ENOX1: variants seen among roughly 807,000 people sequenced by gnomAD.
ENOX1 encodes candidate growth-related and time keeping constitutive hydroquinone (NADH) oxidase.
Under a neutral mutation model 82.5 loss-of-function variants are expected in ENOX1, and 42 were observed. That is an observed-to-expected ratio of 0.51 (90% confidence interval 0.40 to 0.66). The LOEUF (loss-of-function observed/expected upper bound fraction) is 0.66, where lower values mean the gene tolerates loss of function less well. Ranked by LOEUF, ENOX1 falls within the 30% of genes least tolerant of loss-of-function variation. The pLI, the probability that ENOX1 is intolerant of heterozygous loss-of-function variation, is 0.00. For missense variants in ENOX1, 608 were observed against 811.6 expected (o/e 0.75, Z 3.05); for synonymous variants, 271 against 282.2 (o/e 0.96, Z 0.40).
At chr13:43,290,438 T>C (rs113132371) in intron 12 of ENOX1, among the ~76,000 whole-genome samples, 9 of 152,290 alleles carry the variant, frequency 5.9e-5, no homozygotes, top group South Asian at 2.1e-4. Flanking sequence ...AATGAAATCA[T>C]GTCCTTTGCA....
chr13:43,723,000 G>GT (rs1337635796), intron 1 of ENOX1, among the ~76,000 whole-genome samples: 1 of 152,088 alleles, frequency 6.6e-6, no homozygotes, highest in African/African-American at 2.4e-5. Context: ...GAGACAAAAG[G>GT]TTTTCCTCCT....
At chr13:43,385,476 T>C (rs1483833219) in intron 5 of ENOX1, among the ~76,000 whole-genome samples, 1 of 151,744 alleles carries the variant, frequency 6.6e-6, no homozygotes, top group African/African-American at 2.4e-5. Flanking sequence ...AGAGAAGAAA[T>C]AGATATGGTA....
In ENOX1 at chr13:43,676,748, G is replaced by T. The variant is rs78358488; in HGVS notation, c.-284-9204C>A. ...CTGGACTGAGAACACCCACAGAAAGGGGTTCAGGGAAAAGAAGTTTGAGAT... is the reference window on the plus strand; with the variant it reads ...CTGGACTGAGAACACCCACAGAAAGTGGTTCAGGGAAAAGAAGTTTGAGAT... On this transcript the variant is annotated intron_variant, in intron 1 of 16. Transcript: ENST00000690772. Among the ~76,000 whole-genome samples, 1,103 of 152,200 alleles carry T rather than the reference G, an allele frequency of 7.2e-3. 13 individuals carry two copies. Among genetic ancestry groups the T allele is most frequent in the African/African-American group, 0.025 (1,052 of 41,536 alleles).
chr13:43,260,197 G>A (rs528504930), intron 14 of ENOX1, among the ~76,000 whole-genome samples: 1 of 152,284 alleles, frequency 6.6e-6, no homozygotes, highest in African/African-American at 2.4e-5. Flanking sequence ...CGCTCCTAAC[G>A]TCTTTACTCT....
chr13:43,391,960 T>C (rs2052805274), intron 5 of ENOX1, among the ~76,000 whole-genome samples: 1 of 152,242 alleles, frequency 6.6e-6, no homozygotes, highest in East Asian at 1.9e-4. Context: ...TTTGAGCTCT[T>C]CACATAACCA....
intron 2 of ENOX1, among the ~76,000 whole-genome samples, chr13:43,542,323 A>C (rs1205083423): frequency 6.6e-6 from 1 of 151,530 alleles, no homozygotes; most frequent in Non-Finnish European, 1.5e-5. Flanking sequence ...TTGTAGAGAC[A>C]GGGTTTCACC....
At chr13:43,750,320 G>A (rs1254779613) in intron 1 of ENOX1, among the ~76,000 whole-genome samples, 1 of 152,186 alleles carries the variant, frequency 6.6e-6, no homozygotes, top group African/African-American at 2.4e-5. Flanking sequence ...TCCATGCTTT[G>A]TGCCAGTATT....
At chr13:43,539,098 C>T (rs1166657692) in intron 2 of ENOX1, among the ~76,000 whole-genome samples, 2 of 152,212 alleles carry the variant, frequency 1.3e-5, no homozygotes, top group Non-Finnish European at 2.9e-5. Flanking sequence ...ACTGGGATTA[C>T]AGGCATGAAC....
At chr13:43,732,688 T>C (rs903711025) in intron 1 of ENOX1, among the ~76,000 whole-genome samples, 1 of 152,194 alleles carries the variant, frequency 6.6e-6, no homozygotes, top group Non-Finnish European at 1.5e-5. Context: ...GCTCCAAGGT[T>C]TTCTTAAATG....
chr13:43,217,211 G>A (rs1294259468), intron 16 of ENOX1, among the ~76,000 whole-genome samples: 4 of 152,148 alleles, frequency 2.6e-5, no homozygotes, highest in Non-Finnish European at 5.9e-5. Flanking sequence ...TGGATGCCAT[G>A]GCAGGCATCT....
rs531049976 is a variant in ENOX1, at chr13:43,532,512, G to T, written c.-218-48360C>A. On this transcript the variant is annotated intron_variant, in intron 2 of 16. Transcript: ENST00000690772. Reference sequence around the variant, plus strand: ...TTTGCACCGATGGGGCAAAAGCAATGGTTGGTAAAACTGCTATAAGATTCA... The same window carrying T: ...TTTGCACCGATGGGGCAAAAGCAATTGTTGGTAAAACTGCTATAAGATTCA... Among the ~76,000 whole-genome samples the T allele has an allele frequency of 4.6e-5, 7 of 152,082 alleles. No individual in the cohort carries two copies. In the South Asian group the frequency reaches 1.0e-3, roughly 22 times the overall value.
At chr13:43,603,266 T>C (rs2081809992) in intron 2 of ENOX1, among the ~76,000 whole-genome samples, 1 of 152,076 alleles carries the variant, frequency 6.6e-6, no homozygotes, top group South Asian at 2.1e-4. Context: ...TAAGTTATAA[T>C]ATGTCATGCT....
At chr13:43,251,809 A>AT (rs900018785) in intron 14 of ENOX1, among the ~76,000 whole-genome samples, 2 of 152,152 alleles carry the variant, frequency 1.3e-5, no homozygotes, top group African/African-American at 2.4e-5. Flanking sequence ...TCAGGCCAAC[A>AT]TTTTTTCTGA....
intron 8 of ENOX1, 88 bp downstream of exon 8, chr13:43,355,831 G>T (rs1255914960): frequency 2.4e-6 from 3 of 1,275,912 alleles, no homozygotes; most frequent in Non-Finnish European, 3.3e-6. Flanking sequence ...TGTGCTGAAG[G>T]GACAATGGTG....
chr13:43,769,966 G>A (rs188920394), intron 1 of ENOX1, among the ~76,000 whole-genome samples: 49 of 152,274 alleles, frequency 3.2e-4, no homozygotes, highest in African/African-American at 1.2e-3. Context: ...CAAAAGGAGC[G>A]TATCTTTTGA....
At chr13:43,398,361 A>AT (rs563614252) in intron 5 of ENOX1, among the ~76,000 whole-genome samples, 3 of 152,048 alleles carry the variant, frequency 2.0e-5, no homozygotes, top group African/African-American at 4.8e-5. Context: ...CCAAATGAGG[A>AT]TTTTTTTGTT....
intron 12 of ENOX1, among the ~76,000 whole-genome samples, chr13:43,297,272 T>A (rs1476224433): frequency 6.6e-6 from 1 of 152,208 alleles, no homozygotes. Context: ...CTGTAGTAGT[T>A]ACCTCTAATC....
At chr13:43,311,583 T>C (rs1458062443) in intron 11 of ENOX1, among the ~76,000 whole-genome samples, 2 of 152,150 alleles carry the variant, frequency 1.3e-5, no homozygotes, top group African/African-American at 4.8e-5. Flanking sequence ...GAGGGCACAG[T>C]GGGCAGAGAC....
intron 1 of ENOX1, among the ~76,000 whole-genome samples, chr13:43,667,775 G>A (rs145686655): frequency 4.6e-5 from 7 of 152,244 alleles, no homozygotes; most frequent in Admixed American, 6.5e-5. Flanking sequence ...CAAAGCCTCC[G>A]AACTGTCAAT....
Sources: allele counts gnomAD v4.1 joint callset (sites outside exome capture counted in the v4.1 genomes callset), GRCh38; gene constraint gnomAD v4.1.1; transcripts MANE v1.5; gene names NCBI Gene and HGNC (gene_info 2026-07-23, HGNC 2026-07-21).